Variants in ERCC6L2 observed in about 807,000 individuals in gnomAD.
ERCC6L2 encodes ERCC excision repair 6 like 2, also known as DNA excision repair protein ERCC-6-like 2.
Under a neutral mutation model 132.0 loss-of-function variants are expected in ERCC6L2, and 77 were observed. The ratio of observed to expected loss-of-function variants is 0.58; its 90% CI spans 0.49 to 0.71. The LOEUF is 0.71. Among genes scored for constraint, ERCC6L2 ranks in the 30% least tolerant of loss-of-function variants. The pLI, the probability that ERCC6L2 is intolerant of heterozygous loss-of-function variation, is 0.00. For synonymous variants in ERCC6L2, 583 were observed against 632.4 expected (o/e 0.92, Z 1.17); for missense variants, 1,542 against 1,837.6 (o/e 0.84, Z 2.94).
rs1255188869 is a variant in ERCC6L2, at chr9:95,944,259, A to G, written c.1847+2710A>G. 3.9e-5 allele frequency among the ~76,000 whole-genome samples: 6 copies of G among 152,360 alleles called. No homozygotes were observed. In the East Asian group the frequency reaches 1.2e-3, roughly 29 times the overall value. On this transcript the variant is annotated intron_variant, in intron 12 of 18. Transcript: ENST00000653738. ...ACCTTGAAGACATTATACTACATGA[A>G]ATAAGCCAGATATGAAAGGACAAAT...
Position 95,881,200 on chromosome 9 carries a change from C to T in ERCC6L2, c.378C>T (p.Tyr126=), listed in dbSNP as rs756852557. 3.1e-6 allele frequency: 5 copies of T among 1,608,836 alleles called. No homozygotes were observed. Among genetic ancestry groups the T allele is most frequent in the South Asian group, 2.2e-5 (2 of 90,062 alleles). ...CCATCAATAGGTATTTGAGAGACTA[C>T]CAAAGAGAAGGAACCCGGTTTCTTT... is the stretch of plus-strand genomic sequence containing the variant. The part of the protein sequence containing the change: ...PYTINRYLRD[Y]QREGTRFLYG... The change falls in exon 2 of 19, where the codon TAC becomes TAT. Residue 126 remains tyrosine (Y), a synonymous_variant. Coordinates refer to ENST00000653738, the MANE Select transcript of ERCC6L2 (RefSeq NM_020207.7).
At chr9:95,998,408 A>G (rs1833543709) in intron 17 of ERCC6L2, among the ~76,000 whole-genome samples, 1 of 152,234 alleles carries the variant, frequency 6.6e-6, no homozygotes, top group Non-Finnish European at 1.5e-5. Context: ...AGATGCAATT[A>G]AGGTTGAATC....
In ERCC6L2 at chr9:96,013,193, G is replaced by A. The variant is rs1442477494; in HGVS notation, c.4643G>A (p.Ser1548Asn). Residue 1548 changes from serine (S) to asparagine (N), a missense_variant, in exon 19 of 19, where the codon AGT (serine) becomes AAT (asparagine). Ser to Asn is a conservative substitution (Grantham distance 46). This residue lies in a region of ERCC6L2 where 442 missense variants were observed against 583.4 expected (regional missense o/e 0.76). Transcript: ENST00000653738. Reference sequence around the variant, plus strand: ...GATGAAAACGCAACCAATACACAGAGTACCACATAAGCATATAAATGAATT... The same window carrying A: ...GATGAAAACGCAACCAATACACAGAATACCACATAAGCATATAAATGAATT... The part of the protein sequence containing the change: ...DTDENATNTQ[S>N]TT The A allele has an allele frequency of 1.5e-6, 2 of 1,359,792 alleles. No homozygotes were observed. Among genetic ancestry groups the A allele is most frequent in the Admixed American group, 2.0e-5 (1 of 50,528 alleles). The allele number at this position is 1,359,792 out of a possible 1,614,324, so 84.2% of individuals were successfully genotyped here. A position where few individuals can be genotyped will look rare whatever the true frequency, so the allele number is the denominator to read the frequency against.
intron 20 of ERCC6L2, among the ~76,000 whole-genome samples, chr9:96,039,157 C>T (rs1834551025): frequency 1.3e-5 from 2 of 152,200 alleles, no homozygotes; most frequent in Admixed American, 1.3e-4. Context: ...TCGGCTTAAG[C>T]TGTTATGGCT....
chr9:96,016,278 G>A lies in ERCC6L2; in HGVS notation c.*3075G>A, dbSNP rs908184413. Among the ~76,000 whole-genome samples, 3 of 152,168 alleles carry A rather than the reference G, an allele frequency of 2.0e-5. No individual in the cohort carries two copies. Among genetic ancestry groups the A allele is most frequent in the African/African-American group, 7.2e-5 (3 of 41,430 alleles). On this transcript the variant is annotated 3_prime_UTR_variant, in exon 19 of 19. Transcript: ENST00000653738. ...AACTAGTAAAACAATTAAAATGCAAGTCTGTTGCTTCAAGCAACACCACTG... is the reference window on the plus strand; with the variant it reads ...AACTAGTAAAACAATTAAAATGCAAATCTGTTGCTTCAAGCAACACCACTG...
At chr9:95,901,152 C>G (rs1240550919) in intron 3 of ERCC6L2, among the ~76,000 whole-genome samples, 3 of 152,000 alleles carry the variant, frequency 2.0e-5, no homozygotes, top group Non-Finnish European at 4.4e-5. Flanking sequence ...ATAGGCTTAT[C>G]TGCCTATGGA....
At chr9:96,029,740 CAT>C (rs891262605) in intron 19 of ERCC6L2, among the ~76,000 whole-genome samples, 1 of 152,232 alleles carries the variant, frequency 6.6e-6, no homozygotes, top group Non-Finnish European at 1.5e-5. Context: ...CATTGCCACA[CAT>C]GTCAAACAGT....
intron 2 of ERCC6L2, among the ~76,000 whole-genome samples, chr9:95,890,811 G>A (rs773759496): frequency 6.6e-6 from 1 of 152,146 alleles, no homozygotes; most frequent in Non-Finnish European, 1.5e-5. Flanking sequence ...TGGGACTACA[G>A]ATGCGCACTA....
rs930334858 is a variant in ERCC6L2, at chr9:96,003,748, T to A, written c.3493-772T>A. 2.8e-4 allele frequency among the ~76,000 whole-genome samples: 43 copies of A among 152,262 alleles called. 2 individuals are homozygous for A. On this transcript the variant is annotated intron_variant, in intron 17 of 18. Coordinates refer to ENST00000653738, the MANE Select transcript of ERCC6L2 (RefSeq NM_020207.7). ...GTGGGACTTCCTTGTTTGGGGCACC[T>A]AGACATTCTGCTTTCTTACTTTTGA...
At chr9:95,949,434 C>T (rs776915000) in intron 12 of ERCC6L2, among the ~76,000 whole-genome samples, 1 of 152,062 alleles carries the variant, frequency 6.6e-6, no homozygotes, top group Non-Finnish European at 1.5e-5. Context: ...AAGAGAGCAT[C>T]TTGAAAGCAG....
intron 19 of ERCC6L2, among the ~76,000 whole-genome samples, chr9:96,033,987 A>G (rs533399992): frequency 3.0e-4 from 46 of 152,336 alleles, no homozygotes; most frequent in African/African-American, 1.1e-3. Context: ...TATGTGAGTG[A>G]GCAGCCAAGG....
chr9:95,987,701 T>TG (rs1833147620), intron 17 of ERCC6L2, among the ~76,000 whole-genome samples: 1 of 152,178 alleles, frequency 6.6e-6, no homozygotes, highest in Admixed American at 6.5e-5. Flanking sequence ...TCTACCATTA[T>TG]GGGGCCTGGA....
intron 19 of ERCC6L2, among the ~76,000 whole-genome samples, chr9:96,028,752 C>A (rs1049909060): frequency 6.6e-6 from 1 of 152,134 alleles, no homozygotes; most frequent in Non-Finnish European, 1.5e-5. Flanking sequence ...GACCAGCAGG[C>A]AAAAAGTCAG....
chr9:96,005,644 G>A (rs1314541535), intron 18 of ERCC6L2, among the ~76,000 whole-genome samples: 6 of 151,934 alleles, frequency 3.9e-5, no homozygotes, highest in Admixed American at 2.0e-4. Flanking sequence ...AAACCAAGCA[G>A]AGAGTAGCAT....
intron 12 of ERCC6L2, among the ~76,000 whole-genome samples, chr9:95,954,239 G>A (rs1209511009): frequency 6.6e-6 from 1 of 152,050 alleles, no homozygotes; most frequent in African/African-American, 2.4e-5. Context: ...CAAGGAAATT[G>A]GTCAAAATGA....
At position 95,922,361 on chromosome 9, in the gene ERCC6L2, T is replaced by G. The variant is rs1163349507; in HGVS notation, c.1356T>G (p.Leu452=). ...TGTATCTCAGTTACCTTACAGTCCT[T>G]CAGAAGGTAGCTAACCATGTCGCGC... The part of the protein sequence containing the change: ...KTLYLSYLTV[L]QKVANHVALL... The change falls in exon 8 of 19, where the codon CTT becomes CTG. Residue 452 remains leucine (L), a synonymous_variant. Coordinates refer to ENST00000653738, the MANE Select transcript of ERCC6L2 (RefSeq NM_020207.7). 1 of 1,613,576 alleles carries G rather than the reference T, an allele frequency of 6.2e-7. No homozygotes were observed.
intron 9 of ERCC6L2, among the ~76,000 whole-genome samples, chr9:95,924,842 A>G (rs1830034406): frequency 1.3e-5 from 2 of 152,150 alleles, no homozygotes; most frequent in African/African-American, 2.4e-5. Flanking sequence ...TAGTATTTTT[A>G]TATGTGAATG....
At chr9:95,915,049 A>G (rs563206770) in intron 4 of ERCC6L2, among the ~76,000 whole-genome samples, 1 of 152,164 alleles carries the variant, frequency 6.6e-6, no homozygotes, top group African/African-American at 2.4e-5. Context: ...CAAATATTCC[A>G]ATTAGGCTGG....
rs1477137269 is a variant in ERCC6L2 at position 96,017,031 on chromosome 9, C to T, written c.*3828C>T. The stretch of plus-strand genomic sequence containing the variant: ...TGAACCTGTCAGCCCCAATGACAGG[C>T]ACACACCTTCAAAGAGCAAGAGTGC... On this transcript the variant is annotated 3_prime_UTR_variant, in exon 19 of 19. Coordinates refer to ENST00000653738, the MANE Select transcript of ERCC6L2 (RefSeq NM_020207.7). Among the ~76,000 whole-genome samples the T allele has an allele frequency of 6.6e-6, 1 of 152,220 alleles. No individual in the cohort carries two copies. Among genetic ancestry groups the T allele is most frequent in the African/African-American group, 2.4e-5 (1 of 41,440 alleles).
Sources: allele counts gnomAD v4.1 joint callset (sites outside exome capture counted in the v4.1 genomes callset), GRCh38; gene constraint gnomAD v4.1.1; regional missense constraint gnomAD v4.1.1; transcripts MANE v1.5; gene names NCBI Gene and HGNC (gene_info 2026-07-23, HGNC 2026-07-21).